TTC1: variants seen among roughly 807,000 people sequenced by gnomAD.
TTC1 encodes the protein tetratricopeptide repeat domain 1.
TTC1 carries 31 observed loss-of-function variants against 37.6 expected under a neutral mutation model. The observed-to-expected ratio is 0.82, with a 90% CI of 0.62 to 1.11. The LOEUF (loss-of-function observed/expected upper bound fraction) is 1.11, where lower values mean the gene tolerates loss of function less well. Ranked by LOEUF, TTC1 falls within the 50% of genes most tolerant of loss-of-function variation. The pLI, the probability that TTC1 is intolerant of heterozygous loss-of-function variation, is 0.00. For missense variants in TTC1, 351 were observed against 339.0 expected (o/e 1.04, Z -0.28); for synonymous variants, 127 against 122.4 (o/e 1.04, Z -0.25).
chr5:160,025,897 T>C (rs1482263619), intron 2 of TTC1, among the ~76,000 whole-genome samples: 6 of 152,170 alleles, frequency 3.9e-5, no homozygotes, highest in Non-Finnish European at 5.9e-5. Context: ...CACCTAAAAA[T>C]ATGAACTTGG....
chr5:160,029,196 A>G (rs1158971842), intron 2 of TTC1, among the ~76,000 whole-genome samples: 3 of 152,132 alleles, frequency 2.0e-5, no homozygotes, highest in Non-Finnish European at 4.4e-5. Flanking sequence ...TTTCACTTGT[A>G]TGTGTTCTTT....
intron 2 of TTC1, among the ~76,000 whole-genome samples, chr5:160,014,419 C>G (rs1336017142): frequency 6.6e-6 from 1 of 151,152 alleles, no homozygotes; most frequent in Non-Finnish European, 1.5e-5. Context: ...AATCCCAGCA[C>G]TTGGGAGGCT....
intron 2 of TTC1, among the ~76,000 whole-genome samples, chr5:160,021,625 CT>C (rs1756711187): frequency 6.6e-6 from 1 of 152,184 alleles, no homozygotes; most frequent in Non-Finnish European, 1.5e-5. Flanking sequence ...TCCCTCATGC[CT>C]CCCTAGAGGA....
rs758754532 is a variant in TTC1, at chr5:160,010,784, G to T, written c.256G>T (p.Asp86Tyr). 1.9e-6 allele frequency: 3 copies of T among 1,614,166 alleles called. No individual in the cohort carries two copies. Among genetic ancestry groups the T allele is most frequent in the Admixed American group, 3.3e-5 (2 of 60,014 alleles). The change falls in exon 2 of 8, where the codon GAT (aspartate) becomes TAT (tyrosine). Residue 86 changes from aspartate to tyrosine, a missense_variant. Asp to Tyr is a radical substitution (Grantham distance 160). Transcript: ENST00000231238. The part of the protein sequence containing the change: ...ADKVENKSNE[D>Y]VNSSELDEEY... ...CAAGGTTGAGAACAAATCTAATGAA[G>T]ATGTGAATTCCTCTGAACTAGATGA...
chr5:160,050,054 C>T (rs1333500647), intron 6 of TTC1, among the ~76,000 whole-genome samples: 1 of 152,086 alleles, frequency 6.6e-6, no homozygotes, highest in Non-Finnish European at 1.5e-5. Flanking sequence ...GCCTGGGCAA[C>T]AGAGAGGATC....
chr5:160,036,559 A>C, intron 3 of TTC1, 132 bp from the exon 4 acceptor site: 2 of 638,896 alleles, frequency 3.1e-6, no homozygotes, highest in Non-Finnish European at 5.5e-6. Flanking sequence ...GCCAGACTTA[A>C]TAGACTGTTA....
chr5:160,027,527 G>A (rs1226205777), intron 2 of TTC1, among the ~76,000 whole-genome samples: 1 of 152,188 alleles, frequency 6.6e-6, no homozygotes, highest in Non-Finnish European at 1.5e-5. Context: ...TTAAAGAAGA[G>A]AGAAAATAAT....
intron 2 of TTC1, among the ~76,000 whole-genome samples, chr5:160,017,797 A>G (rs1356362715): frequency 1.3e-5 from 2 of 152,214 alleles, no homozygotes; most frequent in Non-Finnish European, 2.9e-5. Flanking sequence ...CTCCCCCATG[A>G]GAGCCAATAA....
intron 6 of TTC1, among the ~76,000 whole-genome samples, chr5:160,050,496 T>A (rs547949182): frequency 6.6e-6 from 1 of 152,204 alleles, no homozygotes; most frequent in South Asian, 2.1e-4. Context: ...AAAATACAAA[T>A]ATAGCACTGT....
At chr5:160,058,347 A>G (rs1278019114) in intron 7 of TTC1, among the ~76,000 whole-genome samples, 3 of 151,958 alleles carry the variant, frequency 2.0e-5, no homozygotes, top group African/African-American at 7.3e-5. Context: ...AACTTCTTTT[A>G]AACTCCTGTT....
chr5:160,019,372 T>C (rs1300634965), intron 2 of TTC1, among the ~76,000 whole-genome samples: 1 of 152,194 alleles, frequency 6.6e-6, no homozygotes, highest in African/African-American at 2.4e-5. Flanking sequence ...AAATTCCACA[T>C]TACTTAATCT....
At chr5:160,036,633 A>C in intron 3 of TTC1, 58 bp from the exon 4 acceptor site, 1 of 1,164,768 alleles carries the variant, frequency 8.6e-7, no homozygotes, top group Non-Finnish European at 1.3e-6. Context: ...ATCCTGTGGA[A>C]TATAGTAGTA....
At chr5:160,051,571 A>G (rs1757404595) in intron 7 of TTC1, among the ~76,000 whole-genome samples, 1 of 152,236 alleles carries the variant, frequency 6.6e-6, no homozygotes, top group Admixed American at 6.5e-5. Flanking sequence ...GATGCAGTCA[A>G]GATCATGAGA....
chr5:160,018,315 T>C (rs749984285), intron 2 of TTC1, among the ~76,000 whole-genome samples: 8 of 152,170 alleles, frequency 5.3e-5, no homozygotes, highest in Admixed American at 1.3e-4. Flanking sequence ...GAGTCTGTTA[T>C]TTTGTTATAG....
chr5:160,059,020 C>A (rs1374775026), intron 7 of TTC1, among the ~76,000 whole-genome samples: 1 of 152,180 alleles, frequency 6.6e-6, no homozygotes, highest in Non-Finnish European at 1.5e-5. Context: ...TAGCATCATT[C>A]TTAAGGGCCC....
chr5:160,025,486 G>A (rs1157507369), intron 2 of TTC1, among the ~76,000 whole-genome samples: 3 of 152,202 alleles, frequency 2.0e-5, no homozygotes, highest in African/African-American at 4.8e-5. Flanking sequence ...CATAGGTCTC[G>A]AAATGACTAT....
At chr5:160,043,276 C>A in intron 5 of TTC1, 107 bp downstream of exon 5, 3 of 1,160,232 alleles carry the variant, frequency 2.6e-6, no homozygotes, top group Admixed American at 2.5e-5. Flanking sequence ...TCCTCTGGGG[C>A]CTTGCAAGAG....
intron 2 of TTC1, among the ~76,000 whole-genome samples, chr5:160,026,831 T>A (rs1756814306): frequency 6.6e-6 from 1 of 152,204 alleles, no homozygotes; most frequent in South Asian, 2.1e-4. Context: ...TCATTTGTCT[T>A]TTACAAGTCT....
chr5:160,049,550 T>A lies in TTC1; in HGVS notation c.578T>A (p.Leu193Ter). 2 of 1,601,438 alleles carry A rather than the reference T, an allele frequency of 1.2e-6. No individual in the cohort carries two copies. The highest frequency in any genetic ancestry group is 3.5e-5 in the Admixed American group (2 of 57,422). ...AACCCCAGCTATATCAGGGCAATAT[T>A]GAGGAGAGCAGAGTTGTATGAGAAG... is the stretch of plus-strand genomic sequence containing the variant. The part of the protein sequence containing the change: ...QLNPSYIRAI[L>*]RRAELYEKTD... Residue 193 changes from leucine (L) to a stop codon, truncating the protein, a stop_gained, in exon 6 of 8, where the codon TTG becomes TAG. Coordinates refer to ENST00000231238, the MANE Select transcript of TTC1 (RefSeq NM_003314.3). LOFTEE classifies it high-confidence loss of function.
Sources: allele counts gnomAD v4.1 joint callset (sites outside exome capture counted in the v4.1 genomes callset), GRCh38; gene constraint gnomAD v4.1.1; transcripts MANE v1.5; gene names NCBI Gene and HGNC (gene_info 2026-07-23, HGNC 2026-07-21).